The following NME7 variants were observed in gnomAD, a reference collection of about 807,000 sequenced individuals.
The protein encoded by NME7 is nucleoside diphosphate kinase 7.
Under a neutral mutation model 49.1 loss-of-function variants are expected in NME7, and 41 were observed. The ratio of observed to expected loss-of-function variants is 0.83; its 90% CI spans 0.65 to 1.08. NME7 has a LOEUF of 1.08. Among genes scored for constraint, NME7 ranks in the 50% least tolerant of loss-of-function variants. The pLI is 0.00. For synonymous variants in NME7, 139 were observed against 150.6 expected (o/e 0.92, Z 0.56); for missense variants, 423 against 463.4 (o/e 0.91, Z 0.80).
chr1:169,309,966 T>C lies in NME7; in HGVS notation c.389+4A>G. On this transcript the variant is annotated splice_donor_region_variant and intron_variant, in intron 4 of 11. Coordinates refer to ENST00000367811, the MANE Select transcript of NME7 (RefSeq NM_013330.5). Reference sequence around the variant, plus strand: ...TACATAACTGAAAATGATAAAAAAATTACCTTGAAAGCATCATCATTTTGA... The same window carrying C: ...TACATAACTGAAAATGATAAAAAAACTACCTTGAAAGCATCATCATTTTGA... 2 of 1,429,104 alleles carry C rather than the reference T, an allele frequency of 1.4e-6. No individual in the cohort carries two copies. The allele number at this position is 1,429,104 out of a possible 1,614,324, so 88.5% of individuals were successfully genotyped here. A position where few individuals can be genotyped will look rare whatever the true frequency, so the allele number is the denominator to read the frequency against.
At chr1:169,209,356 A>G (rs1660754354) in intron 10 of NME7, among the ~76,000 whole-genome samples, 2 of 152,098 alleles carry the variant, frequency 1.3e-5, no homozygotes, top group South Asian at 2.1e-4. Flanking sequence ...AGCTCCAGAG[A>G]AACATTGAAA....
intron 7 of NME7, among the ~76,000 whole-genome samples, chr1:169,270,135 T>C (rs1649445790): frequency 7.4e-6 from 1 of 134,352 alleles, no homozygotes; most frequent in Non-Finnish European, 1.7e-5. Context: ...TGGGTTTAAA[T>C]GCTCAGATAA....
At chr1:169,365,836 C>T (rs1017024356) in intron 1 of NME7, among the ~76,000 whole-genome samples, 4 of 151,936 alleles carry the variant, frequency 2.6e-5, no homozygotes, top group African/African-American at 9.7e-5. Flanking sequence ...ATCTAGTGAA[C>T]AACTGAATAT....
chr1:169,353,438 T>C (rs1165400951), intron 1 of NME7, among the ~76,000 whole-genome samples: 4 of 152,060 alleles, frequency 2.6e-5, no homozygotes, highest in African/African-American at 4.8e-5. Flanking sequence ...CCTCTAACTA[T>C]GAAACTACTA....
rs1649224209 is a variant in NME7 at position 169,263,422 on chromosome 1, GA to G, written c.754+23880del. On this transcript the variant is annotated intron_variant, in intron 7 of 11. Coordinates refer to ENST00000367811, the MANE Select transcript of NME7 (RefSeq NM_013330.5). ...ATATAGAAAATAATACAACCAATCT[GA>G]TAGAGCTGAAAAACACACTACAAGA... Among the ~76,000 whole-genome samples the G allele has an allele frequency of 1.5e-5, 2 of 133,724 alleles. 1 individual carries two copies. Among genetic ancestry groups the G allele is most frequent in the Non-Finnish European group, 3.5e-5 (2 of 56,908 alleles). 87.7% of individuals were successfully genotyped at this position (133,724 alleles called of 152,430 possible). A position where few individuals can be genotyped will look rare whatever the true frequency, so the allele number is the denominator to read the frequency against.
At position 169,189,362 on chromosome 1, in the gene NME7, T is replaced by C. The variant is rs1308284013; in HGVS notation, c.991-19808A>G. 2.6e-5 allele frequency among the ~76,000 whole-genome samples: 4 copies of C among 152,300 alleles called. No individual in the cohort carries two copies. The East Asian group carries it at 7.7e-4, about 29-fold the overall frequency. ...AATCATTATTTTCGCACAATTTCAA[T>C]TTGCTATTTAAACTTATAAAATACT... On this transcript the variant is annotated intron_variant, in intron 10 of 11. Coordinates refer to ENST00000367811, the MANE Select transcript of NME7 (RefSeq NM_013330.5).
chr1:169,319,715 G>C (rs550662599), intron 3 of NME7, among the ~76,000 whole-genome samples: 44 of 152,234 alleles, frequency 2.9e-4, no homozygotes, highest in African/African-American at 1.1e-3. Context: ...AAACAGGGGG[G>C]TCTTCCTTTC....
chr1:169,298,474 AC>A, intron 6 of NME7, 81 bp downstream of exon 6: 1 of 1,388,084 alleles, frequency 7.2e-7, no homozygotes, highest in African/African-American at 1.4e-5. Flanking sequence ...ACCCTAAGTC[AC>A]CAGTGATAGA....
At chr1:169,359,184 C>A (rs1653566828) in intron 1 of NME7, among the ~76,000 whole-genome samples, 1 of 152,116 alleles carries the variant, frequency 6.6e-6, no homozygotes, top group Non-Finnish European at 1.5e-5. Context: ...TTTAATTCAT[C>A]TCTAAATTAC....
chr1:169,151,232 G>A (rs182955312), intron 11 of NME7, among the ~76,000 whole-genome samples: 31 of 152,286 alleles, frequency 2.0e-4, no homozygotes, highest in Admixed American at 1.7e-3. Flanking sequence ...TGTGGCTGTA[G>A]ATCCTGGGCC....
intron 5 of NME7, among the ~76,000 whole-genome samples, chr1:169,301,784 T>C (rs1650951854): frequency 6.6e-6 from 1 of 152,120 alleles, no homozygotes; most frequent in Non-Finnish European, 1.5e-5. Context: ...TGGACACAAT[T>C]GGAGGCCATA....
intron 5 of NME7, among the ~76,000 whole-genome samples, chr1:169,300,381 T>C (rs12118645): frequency 0.24 from 37,193 of 152,024 alleles, 5,520 homozygotes; most frequent in Non-Finnish European, 0.34. Context: ...ACATACAAAT[T>C]TTTTTAAAAA....
intron 7 of NME7, among the ~76,000 whole-genome samples, chr1:169,242,638 C>G (rs1648138256): frequency 1.3e-5 from 2 of 151,402 alleles, no homozygotes; most frequent in South Asian, 4.2e-4. Context: ...ATAACTGTCT[C>G]TATTTGTATA....
rs78158820 is a variant in NME7 at position 169,257,948 on chromosome 1, T to C, written c.755-20261A>G. 4.1e-4 allele frequency among the ~76,000 whole-genome samples: 55 copies of C among 134,124 alleles called. 5 individuals carry two copies. The East Asian group carries it at 0.011, about 26-fold the overall frequency. The allele number at this position is 134,124 out of a possible 152,430, so 88.0% of individuals were successfully genotyped here. On this transcript the variant is annotated intron_variant, in intron 7 of 11. Transcript: ENST00000367811. ...CAATGAAAGAAGACTGAAATGATAA[T>C]TCAAGACCATGGATCCATTAACTTT...
At chr1:169,238,479 A>ACACG (rs770972092) in intron 7 of NME7, among the ~76,000 whole-genome samples, 3 of 103,756 alleles carry the variant, frequency 2.9e-5, no homozygotes, top group African/African-American at 1.1e-4. Flanking sequence ...GCACAAAGGC[A>ACACG]CACACACACA....
chr1:169,250,527 A>G (rs993262190), intron 7 of NME7, among the ~76,000 whole-genome samples: 3 of 151,576 alleles, frequency 2.0e-5, no homozygotes, highest in Non-Finnish European at 4.4e-5. Flanking sequence ...CTTTGGGTTT[A>G]GTTTGTTCTT....
At chr1:169,285,252 T>C (rs1650227119) in intron 7 of NME7, 1 of 152,146 alleles carries the variant, frequency 6.6e-6, no homozygotes, top group African/African-American at 2.4e-5. Flanking sequence ...AACGACCATT[T>C]CCTTTGAGCT....
At chr1:169,256,205 C>G (rs1335542990) in intron 7 of NME7, among the ~76,000 whole-genome samples, 3 of 133,346 alleles carry the variant, frequency 2.2e-5, no homozygotes, top group African/African-American at 5.1e-5. Flanking sequence ...GTACACCAAT[C>G]AGACGTAGAT....
At chr1:169,133,110 C>T (rs1013714787) in intron 11 of NME7, among the ~76,000 whole-genome samples, 1 of 152,104 alleles carries the variant, frequency 6.6e-6, no homozygotes, top group African/African-American at 2.4e-5. Flanking sequence ...GTTGTTAGCA[C>T]TTCAGTTTTT....
Sources: gnomAD v4.1 joint callset for allele counts (sites outside exome capture counted in the v4.1 genomes callset) on GRCh38, gnomAD v4.1.1 for gene constraint, MANE v1.5 for transcripts, NCBI Gene and HGNC (gene_info 2026-07-23, HGNC 2026-07-21) for gene names.